The following DCC variants were observed in gnomAD, a reference collection of about 807,000 sequenced individuals.
The protein encoded by DCC is netrin receptor DCC.
In DCC, 58 loss-of-function variants were observed where a neutral mutation model predicts 172.5. The ratio of observed to expected loss-of-function variants is 0.34; its 90% CI spans 0.27 to 0.42. The LOEUF is 0.42. Ranked by LOEUF, DCC falls within the 10% of genes least tolerant of loss-of-function variation. DCC has a pLI of 1.00. For missense variants in DCC, 1,740 were observed against 1,791.0 expected, an observed-to-expected ratio of 0.97 and a Z score of 0.51; for synonymous variants, 709 against 644.5, an observed-to-expected ratio of 1.10 and a Z score of -1.52.
At chr18:53,299,361 T>C (rs571551786) in intron 12 of DCC, among the ~76,000 whole-genome samples, 9 of 152,178 alleles carry the variant, frequency 5.9e-5, no homozygotes, top group Non-Finnish European at 1.0e-4. Flanking sequence ...TCCTTTTCCT[T>C]ATCCTATATA....
intron 12 of DCC, among the ~76,000 whole-genome samples, chr18:53,272,617 A>C (rs1278843402): frequency 6.6e-6 from 1 of 152,146 alleles, no homozygotes; most frequent in African/African-American, 2.4e-5. Context: ...TCATTCCTTC[A>C]CATAGTCACT....
At chr18:52,457,228 T>C (rs555239340) in intron 1 of DCC, among the ~76,000 whole-genome samples, 35 of 152,272 alleles carry the variant, frequency 2.3e-4, no homozygotes, top group Admixed American at 1.6e-3. Flanking sequence ...TAATGCAATA[T>C]GATAGAGAAA....
At chr18:52,607,057 A>G (rs1179800751) in intron 1 of DCC, among the ~76,000 whole-genome samples, 1 of 152,132 alleles carries the variant, frequency 6.6e-6, no homozygotes, top group Non-Finnish European at 1.5e-5. Flanking sequence ...ATGGCCAGGA[A>G]CAAACACCAA....
intron 12 of DCC, among the ~76,000 whole-genome samples, chr18:53,228,339 G>A (rs569676019): frequency 6.6e-6 from 1 of 152,130 alleles, no homozygotes; most frequent in Non-Finnish European, 1.5e-5. Flanking sequence ...AGAATTTAAA[G>A]GTTATTTCCG....
At chr18:53,128,748 A>T (rs1348897732) in intron 7 of DCC, among the ~76,000 whole-genome samples, 1 of 151,164 alleles carries the variant, frequency 6.6e-6, no homozygotes, top group Admixed American at 6.6e-5. Context: ...AATTTTGAAG[A>T]CTTGCCTTCC....
chr18:52,755,267 C>T (rs1384136356), intron 2 of DCC, among the ~76,000 whole-genome samples: 1 of 152,192 alleles, frequency 6.6e-6, no homozygotes, highest in Admixed American at 6.5e-5. Flanking sequence ...AGGCAGCTGC[C>T]TATGCACTGT....
chr18:52,925,234 G>A lies in DCC; in HGVS notation c.849G>A (p.Arg283=). The change falls in exon 5 of 29, where the codon AGG becomes AGA. Residue 283 remains arginine, a splice_region_variant and synonymous_variant. Transcript: ENST00000442544. The stretch of plus-strand genomic sequence containing the variant: ...TCTGCACCTTCCCTATGTCTTGCAG[G>A]TCTAAAAAGTATTCTTTATTGGGTG... The part of the protein sequence containing the change: ...WLRGEEVIQL[R]SKKYSLLGGS... 1 of 1,611,850 alleles carries A rather than the reference G, an allele frequency of 6.2e-7. No homozygotes were observed.
At chr18:53,367,723 C>G (rs908365331) in intron 15 of DCC, among the ~76,000 whole-genome samples, 19 of 152,094 alleles carry the variant, frequency 1.2e-4, no homozygotes, top group African/African-American at 4.6e-4. Context: ...TAATTTCCAT[C>G]TCTATGATTT....
chr18:53,352,606 G>T (rs554480909), intron 15 of DCC, among the ~76,000 whole-genome samples: 1 of 152,232 alleles, frequency 6.6e-6, no homozygotes, highest in South Asian at 2.1e-4. Context: ...TTAAAACTAT[G>T]TGTGTTTTTA....
At chr18:52,922,473 G>A (rs1229409986) in intron 3 of DCC, among the ~76,000 whole-genome samples, 1 of 152,078 alleles carries the variant, frequency 6.6e-6, no homozygotes, top group Non-Finnish European at 1.5e-5. Flanking sequence ...TCCTCACTCA[G>A]CGATTCTCCT....
intron 5 of DCC, among the ~76,000 whole-genome samples, chr18:52,951,868 A>G (rs2040653747): frequency 6.6e-6 from 1 of 152,242 alleles, no homozygotes; most frequent in Admixed American, 6.5e-5. Flanking sequence ...ATAGGCACCC[A>G]TGCTTATTTC....
chr18:52,388,027 C>T lies in DCC; in HGVS notation c.91+47149C>T, dbSNP rs145005829. Reference sequence around the variant, plus strand: ...GCATCCATGGGCATACTAATCACATCGTGGTCTATGTGAGGGGCTCTCCCT... The same window carrying T: ...GCATCCATGGGCATACTAATCACATTGTGGTCTATGTGAGGGGCTCTCCCT... On this transcript the variant is annotated intron_variant, in intron 1 of 28. Transcript: ENST00000442544. Among the ~76,000 whole-genome samples, 225 of 152,102 alleles carry T rather than the reference C, an allele frequency of 1.5e-3. 2 individuals are homozygous for T. The highest frequency in any genetic ancestry group is 4.8e-3 in the African/African-American group (198 of 41,472).
intron 27 of DCC, among the ~76,000 whole-genome samples, chr18:53,512,905 G>T (rs982350359): frequency 1.3e-5 from 2 of 152,182 alleles, no homozygotes; most frequent in Admixed American, 6.5e-5. Context: ...TTATCCAGGA[G>T]AACTTCCCCA....
chr18:53,356,146 C>T (rs753812633), intron 15 of DCC, among the ~76,000 whole-genome samples: 2 of 152,112 alleles, frequency 1.3e-5, no homozygotes, highest in South Asian at 2.1e-4. Flanking sequence ...CCTCAAATTC[C>T]TGGGCTCAAG....
intron 15 of DCC, among the ~76,000 whole-genome samples, chr18:53,355,158 G>T (rs561706019): frequency 9.9e-5 from 15 of 152,014 alleles, no homozygotes; most frequent in African/African-American, 3.4e-4. Flanking sequence ...ACCAGTACCA[G>T]GCTGTTTTGG....
chr18:53,385,337 C>T (rs942502808), intron 15 of DCC, among the ~76,000 whole-genome samples: 14 of 152,164 alleles, frequency 9.2e-5, no homozygotes, highest in Non-Finnish European at 1.5e-4. Context: ...AACAATGTGA[C>T]ATTCAAAGCT....
chr18:53,270,430 T>C (rs2056735898), intron 12 of DCC, among the ~76,000 whole-genome samples: 1 of 152,114 alleles, frequency 6.6e-6, no homozygotes, highest in Admixed American at 6.6e-5. Flanking sequence ...TCAAAATCTT[T>C]CTAAAAACCT....
chr18:53,152,846 T>C (rs2054664174), intron 7 of DCC, among the ~76,000 whole-genome samples: 1 of 143,382 alleles, frequency 7.0e-6, no homozygotes, highest in Admixed American at 7.7e-5. Flanking sequence ...AAGCCATTCC[T>C]TTGTTAAAAC....
Position 53,126,140 on chromosome 18 carries a change from A to G in DCC, c.1262-31216A>G, listed in dbSNP as rs980795321. 3.3e-5 allele frequency among the ~76,000 whole-genome samples: 5 copies of G among 152,256 alleles called. No homozygotes were observed. In the East Asian group the frequency reaches 9.7e-4, roughly 30 times the overall value. ...CTAGGGATTGAGAGGCAGAGACAAT[A>G]GTATGGGTGAGTTCAAAAAACCAGA... On this transcript the variant is annotated intron_variant, in intron 7 of 28. Transcript: ENST00000442544.
Sources: gnomAD v4.1 joint callset for allele counts (sites outside exome capture counted in the v4.1 genomes callset) on GRCh38, gnomAD v4.1.1 for gene constraint, MANE v1.5 for transcripts, NCBI Gene and HGNC (gene_info 2026-07-23, HGNC 2026-07-21) for gene names.